Variants in TNNI3 observed in about 807,000 individuals in gnomAD.
The protein encoded by TNNI3 is troponin I, cardiac muscle.
A neutral mutation model predicts 31.5 loss-of-function variants in TNNI3; 23 were observed. The observed-to-expected ratio is 0.73, with a 90% CI of 0.52 to 1.03. The LOEUF (loss-of-function observed/expected upper bound fraction) is 1.03, where lower values mean the gene tolerates loss of function less well. TNNI3 is among the 50% of genes least tolerant of loss of function. TNNI3 has a pLI of 0.00. For missense variants in TNNI3, 236 were observed against 282.9 expected (o/e 0.83, Z 1.19); for synonymous variants, 120 against 111.7 (o/e 1.07, Z -0.47).
chr19:55,157,028 C>A lies in TNNI3; in HGVS notation c.108+22G>T. The A allele has an allele frequency of 1.0e-5, 16 of 1,569,930 alleles. No homozygotes were observed. The highest frequency in any genetic ancestry group is 1.3e-5 in the Non-Finnish European group (15 of 1,160,848). Reference sequence around the variant, plus strand: ...GGATCCCTCCGGCGCCTGTACTCTGCCCCCAGGAAGCCCCGTCCCACCTTG... The same window carrying A: ...GGATCCCTCCGGCGCCTGTACTCTGACCCCAGGAAGCCCCGTCCCACCTTG... On this transcript the variant is annotated intron_variant, in intron 3 of 7. Transcript: ENST00000344887. The surrounding 1 kb of genome is among the most constrained non-coding windows in gnomAD (Gnocchi z 6.3).
intron 6 of TNNI3, chr19:55,154,428 G>T: frequency 1.6e-6 from 1 of 630,470 alleles, no homozygotes; most frequent in East Asian, 2.7e-5. Context: ...GCATAACCTG[G>T]TCCAGCTACA....
At chr19:55,153,755 A>T (rs7252048) in intron 7 of TNNI3, among the ~76,000 whole-genome samples, 1,488 of 87,816 alleles carry the variant, frequency 0.017, 40 homozygotes, top group Middle Eastern at 0.021. Context: ...AAAGGAAATT[A>T]AAAAAAAATT....
chr19:55,156,281 GCTC>G lies in TNNI3; in HGVS notation c.199_201del (p.Glu67del). The stretch of plus-strand genomic sequence containing the variant: ...AGAGCGCGCCCCTTCTCTCCGCGCC[GCTC>G]CTCCGCCTCTCGCTCCAGCTCTTGC... On this transcript the variant is annotated inframe_deletion, in exon 5 of 8. Transcript: ENST00000344887. The surrounding 1 kb of genome is among the most constrained non-coding windows in gnomAD (Gnocchi z 4.6). 6.2e-7 allele frequency: 1 copy of G among 1,611,084 alleles called. No homozygotes were observed. Among genetic ancestry groups the G allele is most frequent in the Admixed American group, 1.7e-5 (1 of 59,826 alleles).
rs2085742340 is a variant in TNNI3 at position 55,157,429 on chromosome 19, C to G, written c.12-121G>C. The G allele has an allele frequency of 6.3e-7, 1 of 1,588,520 alleles. No homozygotes were observed. Among genetic ancestry groups the G allele is most frequent in the Non-Finnish European group, 8.6e-7 (1 of 1,159,948 alleles). On this transcript the variant is annotated intron_variant, in intron 1 of 7. Transcript: ENST00000344887. The surrounding 1 kb of genome is among the most constrained non-coding windows in gnomAD (Gnocchi z 6.3). Reference sequence around the variant, plus strand: ...ACCGCGCTTCCCCTTCCTTGGGTTCCAGGAGTCTGACTCGCAAACCCACTT... The same window carrying G: ...ACCGCGCTTCCCCTTCCTTGGGTTCGAGGAGTCTGACTCGCAAACCCACTT...
Position 55,157,352 on chromosome 19 carries a change from G to A in TNNI3, c.12-44C>T. 6.4e-7 allele frequency: 1 copy of A among 1,569,904 alleles called. No homozygotes were observed. The highest frequency in any genetic ancestry group is 1.1e-5 in the South Asian group (1 of 87,756). Reference sequence around the variant, plus strand: ...AGGAGGGGGGTTAGTGGTGGGCTGTGTCCTGTCTCCTAAGGGACCCCTGGA... The same window carrying A: ...AGGAGGGGGGTTAGTGGTGGGCTGTATCCTGTCTCCTAAGGGACCCCTGGA... On this transcript the variant is annotated intron_variant, in intron 1 of 7. Transcript: ENST00000344887. The surrounding 1 kb of genome is among the most constrained non-coding windows in gnomAD (Gnocchi z 6.3).
Position 55,157,274 on chromosome 19 carries a change from C to T in TNNI3, c.24+22G>A, listed in dbSNP as rs775564639. ...ACCCTGGCCCTGGGGGTCCCAGCCA[C>T]GCCTTAGCCCGCTGCTCTCACCGCA... is the stretch of plus-strand genomic sequence containing the variant. On this transcript the variant is annotated intron_variant, in intron 2 of 7. Transcript: ENST00000344887. This position sits in a 1 kb window ranked among gnomAD's most constrained non-coding sequence, Gnocchi z 6.3. The T allele has an allele frequency of 4.3e-6, 7 of 1,612,096 alleles. No homozygotes were observed. Among genetic ancestry groups the T allele is most frequent in the African/African-American group, 1.3e-5 (1 of 74,972 alleles).
chr19:55,156,093 T>G lies in TNNI3; in HGVS notation c.282+108A>C. On this transcript the variant is annotated intron_variant, in intron 5 of 7. Transcript: ENST00000344887. The surrounding 1 kb of genome is among the most constrained non-coding windows in gnomAD (Gnocchi z 4.6). ...AGGAGTCCCACGAACCATATATAAT[T>G]GGGTAAGGACAGCCATATTGGACGC... 6.5e-7 allele frequency: 1 copy of G among 1,542,096 alleles called. No individual in the cohort carries two copies.
chr19:55,156,180 C>T lies in TNNI3; in HGVS notation c.282+21G>A, dbSNP rs747118084. Reference sequence around the variant, plus strand: ...TGCTGAATTCCGGGACTAGAAACCTCGCATCCTTGGGAGCCGGTACCTGCA... The same window carrying T: ...TGCTGAATTCCGGGACTAGAAACCTTGCATCCTTGGGAGCCGGTACCTGCA... On this transcript the variant is annotated intron_variant, in intron 5 of 7. Coordinates refer to ENST00000344887, the MANE Select transcript of TNNI3 (RefSeq NM_000363.5). The surrounding 1 kb of genome is among the most constrained non-coding windows in gnomAD (Gnocchi z 4.6). 6.2e-7 allele frequency: 1 copy of T among 1,612,614 alleles called. No individual in the cohort carries two copies. The highest frequency in any genetic ancestry group is 1.1e-5 in the South Asian group (1 of 91,080).
In TNNI3 at chr19:55,156,340, G is replaced by A. The variant is rs786204398; in HGVS notation, c.151-8C>T. ...AATCTGCAGCAGCAGAGTCTGCAGA[G>A]GGGTGGGAGGGAAGCGCAGCCCACC... On this transcript the variant is annotated splice_region_variant and splice_polypyrimidine_tract_variant and intron_variant, in intron 4 of 7. Transcript: ENST00000344887. This position sits in a 1 kb window ranked among gnomAD's most constrained non-coding sequence, Gnocchi z 4.6. 6.2e-7 allele frequency: 1 copy of A among 1,606,492 alleles called. No individual in the cohort carries two copies. Among genetic ancestry groups the A allele is most frequent in the South Asian group, 1.1e-5 (1 of 90,162 alleles).
intron 5 of TNNI3, among the ~76,000 whole-genome samples, chr19:55,155,266 G>C (rs2085721023): frequency 1.4e-5 from 1 of 71,688 alleles, no homozygotes; most frequent in Admixed American, 1.3e-4. Flanking sequence ...TCCAGGGTCT[G>C]AGGGAGGAGG....
chr19:55,153,731 CA>C (rs60013031), intron 7 of TNNI3, among the ~76,000 whole-genome samples: 19 of 19,090 alleles, frequency 1.0e-3, no homozygotes, highest in African/African-American at 3.6e-3. Context: ...GACTCCATCG[CA>C]AAAAAAAAAA....
At chr19:55,154,228 G>A (rs2085713366) in intron 6 of TNNI3, 22 bp from the exon 7 acceptor site, 2 of 1,607,904 alleles carry the variant, frequency 1.2e-6, no homozygotes, top group South Asian at 1.1e-5. Context: ...CGAGGGGGTG[G>A]GTACTTCTCC....
At position 55,156,593 on chromosome 19, in the gene TNNI3, C is replaced by T; in HGVS notation, c.150+10G>A. ...CCTGCCTGCTCTTTCCCAGTCCCGC[C>T]CGTCCTCACCTTCAGCTGCAATTTT... On this transcript the variant is annotated intron_variant, in intron 4 of 7. Coordinates refer to ENST00000344887, the MANE Select transcript of TNNI3 (RefSeq NM_000363.5). This position sits in a 1 kb window ranked among gnomAD's most constrained non-coding sequence, Gnocchi z 4.6. 1 of 1,560,972 alleles carries T rather than the reference C, an allele frequency of 6.4e-7. No individual in the cohort carries two copies. Among genetic ancestry groups the T allele is most frequent in the South Asian group, 1.2e-5 (1 of 84,992 alleles).
Position 55,156,549 on chromosome 19 carries a change from A to G in TNNI3, c.150+54T>C. 1 of 1,525,576 alleles carries G rather than the reference A, an allele frequency of 6.6e-7. No individual in the cohort carries two copies. 94.5% of individuals were successfully genotyped at this position (1,525,576 alleles called of 1,614,324 possible). A position where few individuals can be genotyped will look rare whatever the true frequency, so the allele number is the denominator to read the frequency against. On this transcript the variant is annotated intron_variant, in intron 4 of 7. Coordinates refer to ENST00000344887, the MANE Select transcript of TNNI3 (RefSeq NM_000363.5). The surrounding 1 kb of genome is among the most constrained non-coding windows in gnomAD (Gnocchi z 4.6). The stretch of plus-strand genomic sequence containing the variant: ...TACCCCGAAAGCCCCACCCATTCTC[A>G]AGCTCCGCCCCCTGAGCACCTGCCT...
At chr19:55,153,044 C>T (rs559986331) in intron 7 of TNNI3, among the ~76,000 whole-genome samples, 20 of 152,202 alleles carry the variant, frequency 1.3e-4, no homozygotes, top group South Asian at 8.3e-4. Context: ...ATGATCCGCC[C>T]GCCTTGGCCT....
At position 55,157,420 on chromosome 19, in the gene TNNI3, C is replaced by A; in HGVS notation, c.12-112G>T. 6.3e-7 allele frequency: 1 copy of A among 1,597,010 alleles called. No homozygotes were observed. The stretch of plus-strand genomic sequence containing the variant: ...GGTCGGGGGACCGCGCTTCCCCTTC[C>A]TTGGGTTCCAGGAGTCTGACTCGCA... On this transcript the variant is annotated intron_variant, in intron 1 of 7. Transcript: ENST00000344887. This position sits in a 1 kb window ranked among gnomAD's most constrained non-coding sequence, Gnocchi z 6.3.
In TNNI3 at chr19:55,156,596, T is replaced by C. The variant is rs1182078295; in HGVS notation, c.150+7A>G. On this transcript the variant is annotated splice_region_variant and intron_variant, in intron 4 of 7. Transcript: ENST00000344887. This position sits in a 1 kb window ranked among gnomAD's most constrained non-coding sequence, Gnocchi z 4.6. Reference sequence around the variant, plus strand: ...GCCTGCTCTTTCCCAGTCCCGCCCGTCCTCACCTTCAGCTGCAATTTTCTC... The same window carrying C: ...GCCTGCTCTTTCCCAGTCCCGCCCGCCCTCACCTTCAGCTGCAATTTTCTC... The C allele has an allele frequency of 6.4e-7, 1 of 1,561,318 alleles. No homozygotes were observed. Among genetic ancestry groups the C allele is most frequent in the South Asian group, 1.2e-5 (1 of 85,032 alleles).
At position 55,156,452 on chromosome 19, in the gene TNNI3, G is replaced by C; in HGVS notation, c.151-120C>G. 1.3e-6 allele frequency: 2 copies of C among 1,503,628 alleles called. No homozygotes were observed. Among genetic ancestry groups the C allele is most frequent in the Non-Finnish European group, 1.8e-6 (2 of 1,113,746 alleles). The allele number at this position is 1,503,628 out of a possible 1,614,324, so 93.1% of individuals were successfully genotyped here. ...TTGGTCTCCACTGTTCCAAGGCCCCGTCCCACCCCGAGCAGTACTCCCCGC... is the reference window on the plus strand; with the variant it reads ...TTGGTCTCCACTGTTCCAAGGCCCCCTCCCACCCCGAGCAGTACTCCCCGC... On this transcript the variant is annotated intron_variant, in intron 4 of 7. Coordinates refer to ENST00000344887, the MANE Select transcript of TNNI3 (RefSeq NM_000363.5). The surrounding 1 kb of genome is among the most constrained non-coding windows in gnomAD (Gnocchi z 4.6).
Position 55,156,576 on chromosome 19 carries a change from C to G in TNNI3, c.150+27G>C. 2 of 1,557,314 alleles carry G rather than the reference C, an allele frequency of 1.3e-6. No homozygotes were observed. The highest frequency in any genetic ancestry group is 1.7e-6 in the Non-Finnish European group (2 of 1,149,396). ...GCTCCGCCCCCTGAGCACCTGCCTG[C>G]TCTTTCCCAGTCCCGCCCGTCCTCA... On this transcript the variant is annotated intron_variant, in intron 4 of 7. Transcript: ENST00000344887. This position sits in a 1 kb window ranked among gnomAD's most constrained non-coding sequence, Gnocchi z 4.6.
Sources: allele counts gnomAD v4.1 joint callset (sites outside exome capture counted in the v4.1 genomes callset), GRCh38; gene constraint gnomAD v4.1.1; non-coding constraint Gnocchi (gnomAD v3.1); transcripts MANE v1.5; gene names NCBI Gene and HGNC (gene_info 2026-07-23, HGNC 2026-07-21).